Variants in ZNF566 observed in about 807,000 individuals in gnomAD.
The protein encoded by ZNF566 is zinc finger protein 566.
ZNF566 carries 27 observed loss-of-function variants against 32.8 expected under a neutral mutation model. The ratio of observed to expected loss-of-function variants is 0.82; its 90% CI spans 0.61 to 1.14. The LOEUF (loss-of-function observed/expected upper bound fraction) is 1.14. Among genes scored for constraint, ZNF566 ranks in the 50% most tolerant of loss-of-function variants. The pLI, the probability that ZNF566 is intolerant of heterozygous loss-of-function variation, is 0.00. For missense variants in ZNF566, 402 were observed against 490.4 expected (o/e 0.82, Z 1.70); for synonymous variants, 154 against 159.5 (o/e 0.97, Z 0.26).
chr19:36,461,160 G>A (rs182561551), intron 4 of ZNF566, among the ~76,000 whole-genome samples: 15 of 152,278 alleles, frequency 9.9e-5, no homozygotes, highest in African/African-American at 3.1e-4. Flanking sequence ...TGAAGGTCCA[G>A]TGCTGCTTTC....
At chr19:36,450,729 T>C (rs2033134356) in intron 4 of ZNF566, among the ~76,000 whole-genome samples, 1 of 152,220 alleles carries the variant, frequency 6.6e-6, no homozygotes, top group Admixed American at 6.5e-5. Flanking sequence ...ATATGCCTAA[T>C]GGAAAATTCC....
chr19:36,475,243 C>T (rs1284745854), intron 2 of ZNF566, among the ~76,000 whole-genome samples: 1 of 151,962 alleles, frequency 6.6e-6, no homozygotes, highest in Admixed American at 6.6e-5. Context: ...ATGGGGTTTG[C>T]CATGTTGCCC....
intron 1 of ZNF566, among the ~76,000 whole-genome samples, chr19:36,482,074 A>C (rs2034046742): frequency 6.6e-6 from 1 of 152,208 alleles, no homozygotes; most frequent in South Asian, 2.1e-4. Flanking sequence ...AATATATACA[A>C]GGAGTCTGTG....
At chr19:36,471,715 G>A (rs1449001464) in intron 4 of ZNF566, among the ~76,000 whole-genome samples, 1 of 151,836 alleles carries the variant, frequency 6.6e-6, no homozygotes, top group South Asian at 2.1e-4. Flanking sequence ...ACACTGTGGG[G>A]TAGGTTCTGG....
Position 36,449,535 on chromosome 19 carries a change from T to C in ZNF566, c.699A>G (p.Gly233=). The change falls in exon 5 of 5, where the codon GGA becomes GGG. Residue 233 remains glycine, a synonymous_variant. Coordinates refer to ENST00000452939, the MANE Select transcript of ZNF566 (RefSeq NM_001145344.1). ...GGTCTGAGCCACAAATAAAGGTTTT[T>C]CCACATTCCTTACATTCAAAGGGTT... ...GKKPFECKEC[G]KTFICGSDLT... 1 of 1,614,146 alleles carries C rather than the reference T, an allele frequency of 6.2e-7. No homozygotes were observed. Among genetic ancestry groups the C allele is most frequent in the Non-Finnish European group, 8.5e-7 (1 of 1,180,006 alleles).
intron 1 of ZNF566, among the ~76,000 whole-genome samples, chr19:36,485,801 ATCCC>A (rs1488749505): frequency 2.0e-5 from 3 of 150,642 alleles, no homozygotes; most frequent in Non-Finnish European, 4.4e-5. Flanking sequence ...CACGCCTGTA[ATCCC>A]AGCACTTTGG....
chr19:36,449,886 G>A lies in ZNF566; in HGVS notation c.348C>T (p.Ser116=), dbSNP rs144139084. 1,949 of 1,614,014 alleles carry A rather than the reference G, an allele frequency of 1.2e-3. 8 individuals carry two copies. Among genetic ancestry groups the A allele is most frequent in the Admixed American group, 1.6e-3 (95 of 59,990 alleles). The change falls in exon 5 of 5, where the codon TCC becomes TCT. Residue 116 remains serine, a synonymous_variant. Transcript: ENST00000452939. ...TACATTCCCAATCATCTCTGAAACT[G>A]GAGCACTGAAAATCACGTCTTGTGA... ...EKLTRRDFQC[S]SFRDDWECNR... is the part of the protein sequence containing the mutation.
At chr19:36,462,923 C>G (rs935978374) in intron 4 of ZNF566, among the ~76,000 whole-genome samples, 3 of 128,304 alleles carry the variant, frequency 2.3e-5, no homozygotes, top group Non-Finnish European at 4.7e-5. Context: ...TGCCACTGCA[C>G]TCCAGCCTGG....
chr19:36,468,074 A>G (rs902053584), intron 4 of ZNF566, among the ~76,000 whole-genome samples: 1 of 150,890 alleles, frequency 6.6e-6, no homozygotes, highest in Non-Finnish European at 1.5e-5. Flanking sequence ...AATCCCAGCT[A>G]CTTCGGAGGC....
chr19:36,450,022 A>G (rs756200702), intron 4 of ZNF566, 21 bp from the exon 5 acceptor site: 1 of 1,557,542 alleles, frequency 6.4e-7, no homozygotes, highest in African/African-American at 1.4e-5. Flanking sequence ...ATATGAAAGT[A>G]ATCACTCACA....
chr19:36,448,795 C>T lies in ZNF566; in HGVS notation c.*182G>A. ...AGAGAAGTAAGCGTTTAGTTAAGGG[C>T]TTCCAAAGTATATTCTATTCATAGA... On this transcript the variant is annotated 3_prime_UTR_variant, in exon 5 of 5. Transcript: ENST00000452939. 1 of 519,590 alleles carries T rather than the reference C, an allele frequency of 1.9e-6. No homozygotes were observed. Among genetic ancestry groups the T allele is most frequent in the Non-Finnish European group, 3.2e-6 (1 of 308,970 alleles). 32.2% of individuals were successfully genotyped at this position (519,590 alleles called of 1,614,324 possible). A position where few individuals can be genotyped will look rare whatever the true frequency, so the allele number is the denominator to read the frequency against.
chr19:36,487,695 G>T (rs2034201249), intron 1 of ZNF566, among the ~76,000 whole-genome samples: 1 of 151,948 alleles, frequency 6.6e-6, no homozygotes, highest in Non-Finnish European at 1.5e-5. Flanking sequence ...ATCACCTGAG[G>T]TCAGGACTAG....
intron 1 of ZNF566, among the ~76,000 whole-genome samples, chr19:36,477,654 T>C (rs2033930227): frequency 6.6e-6 from 1 of 151,370 alleles, no homozygotes; most frequent in Non-Finnish European, 1.5e-5. Context: ...TTCTCCTGCC[T>C]CAGCCTCCTA....
At chr19:36,464,275 G>A (rs946257789) in intron 4 of ZNF566, among the ~76,000 whole-genome samples, 3 of 152,138 alleles carry the variant, frequency 2.0e-5, no homozygotes, top group Non-Finnish European at 4.4e-5. Flanking sequence ...TGACAGAGGA[G>A]CATTGTTGAT....
In ZNF566 at chr19:36,449,817, G is replaced by A. The variant is rs761341130; in HGVS notation, c.417C>T (p.Phe139=). 26 of 1,614,140 alleles carry A rather than the reference G, an allele frequency of 1.6e-5. 1 individual carries two copies. The South Asian group carries it at 1.6e-4, about 10-fold the overall frequency. ...KKELGSQGGH[F]NQLVFTHEDL... ...CTTCATGAGTGAATACCAATTGATT[G>A]AAATGTCCCCCCTGAGAGCCGAGTT... Residue 139 remains phenylalanine (F), a synonymous_variant, in exon 5 of 5, where the codon TTC becomes TTT. Coordinates refer to ENST00000452939, the MANE Select transcript of ZNF566 (RefSeq NM_001145344.1).
intron 4 of ZNF566, among the ~76,000 whole-genome samples, chr19:36,467,573 T>G (rs1040579446): frequency 6.7e-6 from 1 of 148,322 alleles, no homozygotes; most frequent in African/African-American, 2.5e-5. Flanking sequence ...GGTGGGTCAT[T>G]TGAGGTCAGC....
chr19:36,447,999 T>A lies in ZNF566; in HGVS notation c.*978A>T, dbSNP rs2033038937. 1 of 152,174 alleles carries A rather than the reference T, an allele frequency of 6.6e-6. No homozygotes were observed. Among genetic ancestry groups the A allele is most frequent in the Admixed American group, 6.5e-5 (1 of 15,270 alleles). The allele number at this position is 152,174 out of a possible 1,614,324, so 9.4% of individuals were successfully genotyped here. ...GTCAGGCACAATTCTAAGCACTTTA[T>A]CGATCTTAATTCATTTAATCCTCAC... On this transcript the variant is annotated 3_prime_UTR_variant, in exon 5 of 5. Transcript: ENST00000452939.
At position 36,473,381 on chromosome 19, in the gene ZNF566, A is replaced by G. The variant is rs1485655578; in HGVS notation, c.87T>C (p.Asp29=). The G allele has an allele frequency of 6.2e-7, 1 of 1,613,920 alleles. No homozygotes were observed. The highest frequency in any genetic ancestry group is 2.2e-5 in the East Asian group (1 of 44,866). The stretch of plus-strand genomic sequence containing the variant: ...TCTCCAACATCACATCTCTGTATAA[A>G]TCTCTCTGATCATCATTCAGGCATT... ...EWECLNDDQR[D]LYRDVMLENY... The change falls in exon 3 of 5, where the codon GAT becomes GAC. Residue 29 remains aspartate, a synonymous_variant. Transcript: ENST00000452939.
At chr19:36,483,596 C>T (rs1342953357) in intron 1 of ZNF566, among the ~76,000 whole-genome samples, 1 of 151,688 alleles carries the variant, frequency 6.6e-6, no homozygotes, top group Non-Finnish European at 1.5e-5. Context: ...AAAATTTGAA[C>T]AGCAAAATAA....
Sources: allele counts gnomAD v4.1 joint callset (sites outside exome capture counted in the v4.1 genomes callset), GRCh38; gene constraint gnomAD v4.1.1; transcripts MANE v1.5; gene names NCBI Gene and HGNC (gene_info 2026-07-23, HGNC 2026-07-21).